Variants in RBFOX1 observed in about 807,000 individuals in gnomAD.
RBFOX1 encodes the protein RNA binding fox-1 homolog 1.
A neutral mutation model predicts 57.7 loss-of-function variants in RBFOX1; 8 were observed. That is an observed-to-expected ratio of 0.14 (90% CI 0.08 to 0.25). The LOEUF (loss-of-function observed/expected upper bound fraction) is 0.25, where lower values mean the gene tolerates loss of function less well. RBFOX1 is among the 10% of genes least tolerant of loss of function. The probability of loss-of-function intolerance (pLI) is 1.00; values close to 1 mark genes in which losing one functional copy is unlikely to be tolerated. For synonymous variants in RBFOX1, 326 were observed against 222.4 expected (o/e 1.47, Z -4.15); for missense variants, 611 against 548.5 (o/e 1.11, Z -1.14).
chr16:7,413,429 G>A (rs2098448757), intron 4 of RBFOX1, among the ~76,000 whole-genome samples: 1 of 151,948 alleles, frequency 6.6e-6, no homozygotes, highest in Non-Finnish European at 1.5e-5. Context: ...TGATTCACTG[G>A]GTCTGGGATG....
chr16:6,804,464 C>T (rs1334026110), intron 3 of RBFOX1, among the ~76,000 whole-genome samples: 4 of 152,232 alleles, frequency 2.6e-5, no homozygotes, highest in Admixed American at 2.0e-4. Context: ...ATGGTACACG[C>T]CCTCCAATGG....
intron 3 of RBFOX1, among the ~76,000 whole-genome samples, chr16:6,827,656 C>A (rs1344937197): frequency 6.6e-6 from 1 of 152,186 alleles, no homozygotes; most frequent in Non-Finnish European, 1.5e-5. Context: ...TCCCCCTCCT[C>A]ACCCTTTTGA....
intron 2 of RBFOX1, among the ~76,000 whole-genome samples, chr16:6,359,925 T>C (rs1400990471): frequency 6.6e-6 from 1 of 152,180 alleles, no homozygotes; most frequent in Non-Finnish European, 1.5e-5. Flanking sequence ...GATCATTAAA[T>C]TAATGGGATG....
chr16:5,525,035 C>G (rs2044184357), intron 2 of RBFOX1, among the ~76,000 whole-genome samples: 1 of 152,184 alleles, frequency 6.6e-6, no homozygotes, highest in South Asian at 2.1e-4. Flanking sequence ...TTCCCCAACA[C>G]AACTTAACAT....
At chr16:6,723,529 C>T (rs2066469240) in intron 3 of RBFOX1, among the ~76,000 whole-genome samples, 1 of 152,128 alleles carries the variant, frequency 6.6e-6, no homozygotes, top group South Asian at 2.1e-4. Flanking sequence ...ATGTGCATAA[C>T]ATTTCTGGAA....
intron 2 of RBFOX1, among the ~76,000 whole-genome samples, chr16:6,562,153 A>G (rs1456993098): frequency 1.3e-5 from 2 of 152,208 alleles, no homozygotes; most frequent in African/African-American, 4.8e-5. Context: ...GTTCATGGGT[A>G]AGTAACATTG....
intron 1 of RBFOX1, among the ~76,000 whole-genome samples, chr16:6,188,773 A>C (rs2097123786): frequency 6.6e-6 from 1 of 152,242 alleles, no homozygotes; most frequent in Non-Finnish European, 1.5e-5. Flanking sequence ...CTTTAAATGC[A>C]AATGAAAATG....
chr16:6,551,169 T>C (rs894269834), intron 2 of RBFOX1, among the ~76,000 whole-genome samples: 7 of 152,224 alleles, frequency 4.6e-5, no homozygotes, highest in African/African-American at 1.7e-4. Flanking sequence ...TATGTCTATA[T>C]AGATCTAGCC....
At chr16:5,975,986 A>G (rs577403376) in intron 4 of RBFOX1, among the ~76,000 whole-genome samples, 74 of 152,130 alleles carry the variant, frequency 4.9e-4, no homozygotes, top group African/African-American at 1.7e-3. Flanking sequence ...TCTGCTAATA[A>G]TACAAAAATT....
intron 6 of RBFOX1, among the ~76,000 whole-genome samples, chr16:7,586,079 C>CA (rs560600432): frequency 2.3e-4 from 35 of 151,804 alleles, no homozygotes; most frequent in South Asian, 1.7e-3. Context: ...CAAAACAAAA[C>CA]AAAAAAAGAG....
chr16:7,451,846 C>G (rs1424646636), intron 4 of RBFOX1, among the ~76,000 whole-genome samples: 3 of 152,104 alleles, frequency 2.0e-5, no homozygotes, highest in Non-Finnish European at 2.9e-5. Flanking sequence ...TCTAATTTAT[C>G]TCAGTGGGGT....
At chr16:5,608,566 A>G (rs2047668758) in intron 3 of RBFOX1, among the ~76,000 whole-genome samples, 1 of 152,256 alleles carries the variant, frequency 6.6e-6, no homozygotes, top group Non-Finnish European at 1.5e-5. Context: ...TCAAATTGTT[A>G]TGAGGATTCA....
At chr16:5,746,822 A>G (rs2053002431) in intron 3 of RBFOX1, among the ~76,000 whole-genome samples, 1 of 152,136 alleles carries the variant, frequency 6.6e-6, no homozygotes, top group Non-Finnish European at 1.5e-5. Context: ...TTACTCATCA[A>G]CTTAAGGAGA....
At chr16:5,462,161 T>G (rs2068807918) in intron 1 of RBFOX1, among the ~76,000 whole-genome samples, 1 of 106,942 alleles carries the variant, frequency 9.4e-6, no homozygotes, top group African/African-American at 4.3e-5. Flanking sequence ...AGTTTCTTTC[T>G]TTCTTTCTTT....
intron 3 of RBFOX1, among the ~76,000 whole-genome samples, chr16:5,847,011 A>G (rs1254701885): frequency 2.0e-5 from 3 of 152,190 alleles, no homozygotes; most frequent in African/African-American, 7.2e-5. Flanking sequence ...CTAGATCCCA[A>G]GAGGAGGGGA....
intron 1 of RBFOX1, among the ~76,000 whole-genome samples, chr16:5,376,602 C>G (rs2065989758): frequency 6.6e-6 from 1 of 152,124 alleles, no homozygotes; most frequent in African/African-American, 2.4e-5. Context: ...GAGACATTTT[C>G]AGCAGGATGA....
chr16:5,419,275 C>G (rs113889812), intron 1 of RBFOX1, among the ~76,000 whole-genome samples: 1,586 of 152,246 alleles, frequency 0.01, 38 homozygotes, highest in African/African-American at 0.037. Flanking sequence ...AGGCCGTCTA[C>G]AAGCTGAGGA....
chr16:6,337,979 G>A (rs972794118), intron 2 of RBFOX1, among the ~76,000 whole-genome samples: 8 of 152,104 alleles, frequency 5.3e-5, no homozygotes, highest in South Asian at 2.1e-4. Flanking sequence ...TCAGAAAAGC[G>A]ACAGTTTTAT....
chr16:7,125,483 C>T (rs1185642308), intron 4 of RBFOX1, among the ~76,000 whole-genome samples: 2 of 152,140 alleles, frequency 1.3e-5, no homozygotes, highest in Non-Finnish European at 2.9e-5. Flanking sequence ...GGATGCTAAG[C>T]AGTTTTCTAG....
Sources: gnomAD v4.1 joint callset for allele counts (sites outside exome capture counted in the v4.1 genomes callset) on GRCh38, gnomAD v4.1.1 for gene constraint, MANE v1.5 for transcripts, NCBI Gene and HGNC (gene_info 2026-07-23, HGNC 2026-07-21) for gene names.